ZDHHC14: variants seen among roughly 807,000 people sequenced by gnomAD.
ZDHHC14 encodes zDHHC palmitoyltransferase 14.
ZDHHC14 carries 16 observed loss-of-function variants against 47.7 expected under a neutral mutation model. The observed-to-expected ratio is 0.34, with a 90% CI of 0.23 to 0.51. The LOEUF (loss-of-function observed/expected upper bound fraction) is 0.51, where lower values mean the gene tolerates loss of function less well. ZDHHC14 is among the 20% of genes least tolerant of loss of function. The pLI is 0.97. For missense variants in ZDHHC14, 515 were observed against 662.5 expected, an observed-to-expected ratio of 0.78 and a Z score of 2.44; for synonymous variants, 293 against 278.9, an observed-to-expected ratio of 1.05 and a Z score of -0.50.
intron 1 of ZDHHC14, among the ~76,000 whole-genome samples, chr6:157,382,719 AG>A (rs1208180859): frequency 6.6e-6 from 1 of 152,218 alleles, no homozygotes; most frequent in Admixed American, 6.5e-5. Context: ...CATCTTCTTA[AG>A]CTCAGTTGAC....
At chr6:157,530,469 A>G (rs986611970) in intron 1 of ZDHHC14, among the ~76,000 whole-genome samples, 1 of 152,360 alleles carries the variant, frequency 6.6e-6, no homozygotes, top group Admixed American at 6.5e-5. Context: ...CAGCCCCAAC[A>G]GCAACCCAAT....
chr6:157,566,015 G>A (rs1663941519), intron 2 of ZDHHC14, among the ~76,000 whole-genome samples: 1 of 152,098 alleles, frequency 6.6e-6, no homozygotes, highest in Non-Finnish European at 1.5e-5. Flanking sequence ...CTTTCTCTGG[G>A]TGCACAAGCT....
At chr6:157,457,344 G>A (rs1778945015) in intron 1 of ZDHHC14, among the ~76,000 whole-genome samples, 1 of 152,136 alleles carries the variant, frequency 6.6e-6, no homozygotes, top group Non-Finnish European at 1.5e-5. Flanking sequence ...GAGTGGGAAT[G>A]CTAGCTGGTA....
At chr6:157,430,604 T>G (rs1460675000) in intron 1 of ZDHHC14, among the ~76,000 whole-genome samples, 1 of 152,178 alleles carries the variant, frequency 6.6e-6, no homozygotes, top group Non-Finnish European at 1.5e-5. Context: ...CCCATGTGAT[T>G]ATATTGAGCT....
At chr6:157,382,353 G>C (rs1777231508) in intron 1 of ZDHHC14, 87 bp downstream of exon 1, 2 of 1,489,720 alleles carry the variant, frequency 1.3e-6, no homozygotes, top group East Asian at 4.7e-5. Flanking sequence ...TCGTTTTCTA[G>C]AAGTCTTATC....
intron 3 of ZDHHC14, among the ~76,000 whole-genome samples, chr6:157,612,821 C>A (rs1784803044): frequency 7.0e-6 from 1 of 142,188 alleles, no homozygotes; most frequent in South Asian, 2.3e-4. Flanking sequence ...TTCATGTCTC[C>A]ATCGTAGTCT....
intron 1 of ZDHHC14, among the ~76,000 whole-genome samples, chr6:157,433,350 T>TA (rs916644873): frequency 4.6e-5 from 7 of 152,048 alleles, no homozygotes; most frequent in South Asian, 4.1e-4. Context: ...GTAGTTTAAA[T>TA]AAAAAAAATT....
rs1156812834 is a variant in ZDHHC14, at chr6:157,391,086, C to G, written c.245+8820C>G. 2.6e-5 allele frequency among the ~76,000 whole-genome samples: 4 copies of G among 152,186 alleles called. No homozygotes were observed. In the East Asian group the frequency reaches 7.7e-4, roughly 29 times the overall value. ...GCTTCAGTTAGATTCATTTTTATCA[C>G]TGGCTTCAAATGTTTTGAAGGCACA... On this transcript the variant is annotated intron_variant, in intron 1 of 8. Coordinates refer to ENST00000359775, the MANE Select transcript of ZDHHC14 (RefSeq NM_024630.3).
rs374563282 is a variant in ZDHHC14, at chr6:157,489,289, A to G, written c.246-53296A>G. On this transcript the variant is annotated intron_variant, in intron 1 of 8. Transcript: ENST00000359775. ...ATTGTAATGTGAACCCGATACATAGAACAAACTCATGCGCAATCACTTCCT... is the reference window on the plus strand; with the variant it reads ...ATTGTAATGTGAACCCGATACATAGGACAAACTCATGCGCAATCACTTCCT... 4.6e-5 allele frequency among the ~76,000 whole-genome samples: 7 copies of G among 152,228 alleles called. No individual in the cohort carries two copies. The East Asian group carries it at 9.6e-4, about 21-fold the overall frequency.
intron 1 of ZDHHC14, among the ~76,000 whole-genome samples, chr6:157,485,418 CT>C (rs1429267512): frequency 1.3e-5 from 2 of 152,192 alleles, no homozygotes; most frequent in African/African-American, 4.8e-5. Flanking sequence ...CTGCTGGTAT[CT>C]TTCTTTGTAT....
At chr6:157,671,765 A>G (rs1156507196) in intron 8 of ZDHHC14, among the ~76,000 whole-genome samples, 3 of 152,212 alleles carry the variant, frequency 2.0e-5, no homozygotes, top group Non-Finnish European at 4.4e-5. Flanking sequence ...GGCTTCGGGA[A>G]TGGCTCTTGA....
intron 1 of ZDHHC14, among the ~76,000 whole-genome samples, chr6:157,402,180 G>A (rs1345475253): frequency 1.3e-5 from 2 of 150,782 alleles, no homozygotes; most frequent in African/African-American, 2.4e-5. Context: ...GACCTGCTGA[G>A]GTCATAACTG....
intron 3 of ZDHHC14, among the ~76,000 whole-genome samples, chr6:157,614,924 C>T (rs376282956): frequency 6.6e-6 from 1 of 152,212 alleles, no homozygotes; most frequent in African/African-American, 2.4e-5. Flanking sequence ...GTGCCCGCCA[C>T]CACACCTGGC....
At chr6:157,453,402 C>T (rs1317140500) in intron 1 of ZDHHC14, among the ~76,000 whole-genome samples, 1 of 152,206 alleles carries the variant, frequency 6.6e-6, no homozygotes, top group Admixed American at 6.5e-5. Context: ...TTAACTTTTT[C>T]TGTTCTCTCA....
chr6:157,609,825 G>T (rs1784683787), intron 3 of ZDHHC14, among the ~76,000 whole-genome samples: 1 of 152,222 alleles, frequency 6.6e-6, no homozygotes, highest in African/African-American at 2.4e-5. Context: ...GGAGTTGGAA[G>T]AAGAGCCCAA....
At chr6:157,555,592 A>T (rs1184092418) in intron 2 of ZDHHC14, among the ~76,000 whole-genome samples, 1 of 152,214 alleles carries the variant, frequency 6.6e-6, no homozygotes, top group Non-Finnish European at 1.5e-5. Context: ...GCTATAGAAG[A>T]ATCAAAAGAA....
chr6:157,602,201 CA>C (rs67391412), intron 3 of ZDHHC14, among the ~76,000 whole-genome samples: 39,742 of 126,752 alleles, frequency 0.31, 5,723 homozygotes, highest in Admixed American at 0.41. Flanking sequence ...GATTCTGTCT[CA>C]AAAAAAAAAA....
Position 157,590,493 on chromosome 6 carries a change from T to A in ZDHHC14, c.407-2495T>A, listed in dbSNP as rs142522482. Among the ~76,000 whole-genome samples the A allele has an allele frequency of 4.3e-4, 65 of 152,326 alleles. No individual in the cohort carries two copies. The East Asian group carries it at 0.012, about 28-fold the overall frequency. On this transcript the variant is annotated intron_variant, in intron 2 of 8. Transcript: ENST00000359775. Reference sequence around the variant, plus strand: ...AGAGGGTGCAAGCCCCAAGCCTTGGTAGCTTCCATGTGGTGTTGGTCCTGT... The same window carrying A: ...AGAGGGTGCAAGCCCCAAGCCTTGGAAGCTTCCATGTGGTGTTGGTCCTGT...
chr6:157,473,497 C>T (rs1779403546), intron 1 of ZDHHC14, among the ~76,000 whole-genome samples: 1 of 152,170 alleles, frequency 6.6e-6, no homozygotes, highest in Admixed American at 6.5e-5. Flanking sequence ...GGATTTTCTA[C>T]TTTTTTTAAG....
Sources: gnomAD v4.1 joint callset for allele counts (sites outside exome capture counted in the v4.1 genomes callset) on GRCh38, gnomAD v4.1.1 for gene constraint, MANE v1.5 for transcripts, NCBI Gene and HGNC (gene_info 2026-07-23, HGNC 2026-07-21) for gene names.